The following RBFOX1 variants were observed in gnomAD, a reference collection of about 807,000 sequenced individuals.
The protein encoded by RBFOX1 is RNA binding protein fox-1 homolog 1.
Under a neutral mutation model 57.7 loss-of-function variants are expected in RBFOX1, and 8 were observed. The ratio of observed to expected loss-of-function variants is 0.14; its 90% CI spans 0.08 to 0.25. The LOEUF (loss-of-function observed/expected upper bound fraction) is 0.25. Among genes scored for constraint, RBFOX1 ranks in the 10% least tolerant of loss-of-function variants. The pLI, the probability that RBFOX1 is intolerant of heterozygous loss-of-function variation, is 1.00. For missense variants in RBFOX1, 611 were observed against 548.5 expected, an observed-to-expected ratio of 1.11 and a Z score of -1.14; for synonymous variants, 326 against 222.4, an observed-to-expected ratio of 1.47 and a Z score of -4.15.
rs1250190342 is a variant in RBFOX1 at position 6,806,817 on chromosome 16, A to AATAT, written c.-16+152184_-16+152187dup. 1.6e-3 allele frequency among the ~76,000 whole-genome samples: 139 copies of AATAT among 85,120 alleles called. 1 individual carries two copies. Among genetic ancestry groups the AATAT allele is most frequent in the East Asian group, 0.012 (38 of 3,228 alleles). The allele number at this position is 85,120 out of a possible 152,430, so 55.8% of individuals were successfully genotyped here. On this transcript the variant is annotated intron_variant, in intron 3 of 15. Transcript: ENST00000550418. ...ATTTATATATATAAATAAATATATA[A>AATAT]ATATATATATATATATATATTTTTT...
intron 2 of RBFOX1, among the ~76,000 whole-genome samples, chr16:6,324,113 C>T (rs1482696675): frequency 6.6e-6 from 1 of 152,142 alleles, no homozygotes; most frequent in Non-Finnish European, 1.5e-5. Context: ...TAATAGTATT[C>T]ATTAAGTAAT....
chr16:6,492,644 T>C (rs1269768885), intron 2 of RBFOX1, among the ~76,000 whole-genome samples: 1 of 152,152 alleles, frequency 6.6e-6, no homozygotes, highest in Non-Finnish European at 1.5e-5. Context: ...CTGGAATCTG[T>C]GTGATCGCTG....
chr16:6,426,108 C>G (rs2093919680), intron 2 of RBFOX1, among the ~76,000 whole-genome samples: 1 of 151,962 alleles, frequency 6.6e-6, no homozygotes, highest in Non-Finnish European at 1.5e-5. Context: ...CTCTCTCTCC[C>G]TCTCATTGTC....
intron 3 of RBFOX1, among the ~76,000 whole-genome samples, chr16:6,898,976 G>T (rs2067714882): frequency 6.6e-6 from 1 of 150,724 alleles, no homozygotes; most frequent in Non-Finnish European, 1.5e-5. Context: ...TGTATGATGT[G>T]TGTATGTGTG....
intron 1 of RBFOX1, among the ~76,000 whole-genome samples, chr16:5,399,307 G>T (rs1415003395): frequency 6.6e-6 from 1 of 152,146 alleles, no homozygotes. Context: ...CTCACACCTT[G>T]ATTTATCTGT....
At chr16:6,785,639 C>T (rs1464952162) in intron 3 of RBFOX1, among the ~76,000 whole-genome samples, 1 of 152,160 alleles carries the variant, frequency 6.6e-6, no homozygotes, top group East Asian at 1.9e-4. Context: ...CCATCAGAAA[C>T]ACTTACCTAA....
intron 4 of RBFOX1, among the ~76,000 whole-genome samples, chr16:7,123,120 G>A (rs1600172560): frequency 6.6e-6 from 1 of 152,052 alleles, no homozygotes; most frequent in Non-Finnish European, 1.5e-5. Flanking sequence ...CTTCCTAATT[G>A]CACAGCCGTT....
At chr16:6,821,937 A>G (rs1336876544) in intron 3 of RBFOX1, among the ~76,000 whole-genome samples, 1 of 152,178 alleles carries the variant, frequency 6.6e-6, no homozygotes, top group East Asian at 1.9e-4. Context: ...TGTTTTTCAC[A>G]GCTCTAGTTT....
At chr16:6,124,635 G>A (rs1217336867) in intron 1 of RBFOX1, among the ~76,000 whole-genome samples, 3 of 152,028 alleles carry the variant, frequency 2.0e-5, no homozygotes, top group Admixed American at 1.3e-4. Flanking sequence ...TCCGAGTAGT[G>A]AGGATTACAG....
intron 1 of RBFOX1, among the ~76,000 whole-genome samples, chr16:6,256,153 A>ATATG (rs1163411974): frequency 3.2e-5 from 2 of 62,080 alleles, no homozygotes; most frequent in Non-Finnish European, 5.3e-5. Flanking sequence ...GTATATATAT[A>ATATG]TATATGTATA....
At chr16:7,024,934 C>T (rs1256886398) in intron 3 of RBFOX1, among the ~76,000 whole-genome samples, 2 of 152,104 alleles carry the variant, frequency 1.3e-5, no homozygotes, top group Admixed American at 1.3e-4. Flanking sequence ...GACACTGAGG[C>T]CCAGAGAGGA....
intron 3 of RBFOX1, among the ~76,000 whole-genome samples, chr16:5,756,145 C>G (rs1226751692): frequency 2.0e-5 from 3 of 147,668 alleles, no homozygotes; most frequent in Non-Finnish European, 3.0e-5. Flanking sequence ...GACTTACAAA[C>G]CAGAAGGTTC....
At chr16:7,253,136 G>A (rs147291760) in intron 4 of RBFOX1, among the ~76,000 whole-genome samples, 1 of 152,120 alleles carries the variant, frequency 6.6e-6, no homozygotes, top group African/African-American at 2.4e-5. Context: ...TTTGCATTTT[G>A]ATGGCTCCGC....
chr16:7,504,431 T>C (rs566089338), intron 4 of RBFOX1, among the ~76,000 whole-genome samples: 1 of 151,898 alleles, frequency 6.6e-6, no homozygotes, highest in South Asian at 2.1e-4. Context: ...TGACAACCTC[T>C]AATTTTGCCT....
chr16:6,840,070 TTAAAAA>T (rs2141403988), intron 3 of RBFOX1, among the ~76,000 whole-genome samples: 1 of 152,294 alleles, frequency 6.6e-6, no homozygotes, highest in African/African-American at 2.4e-5. Flanking sequence ...ACTACTCAAC[TTAAAAA>T]TTAAAATGCT....
chr16:7,289,110 G>A (rs189546329), intron 4 of RBFOX1, among the ~76,000 whole-genome samples: 1 of 152,300 alleles, frequency 6.6e-6, no homozygotes, highest in East Asian at 1.9e-4. Context: ...CCTGCCTGCT[G>A]TATCAGAGAG....
chr16:5,533,878 G>T (rs997995239), intron 2 of RBFOX1, among the ~76,000 whole-genome samples: 1 of 152,148 alleles, frequency 6.6e-6, no homozygotes, highest in Non-Finnish European at 1.5e-5. Flanking sequence ...GTGGGCAGGG[G>T]TGTTGGTCAG....
chr16:5,853,022 G>A (rs538588479), intron 3 of RBFOX1, among the ~76,000 whole-genome samples: 2 of 152,124 alleles, frequency 1.3e-5, no homozygotes, highest in East Asian at 3.9e-4. Context: ...TGGTTACAAC[G>A]CTCATTATAC....
At chr16:5,379,461 A>C (rs1316106330) in intron 1 of RBFOX1, among the ~76,000 whole-genome samples, 6 of 147,262 alleles carry the variant, frequency 4.1e-5, no homozygotes, top group Non-Finnish European at 8.8e-5. Context: ...CTGAAAACAT[A>C]ATCATCTCTG....
Sources: gnomAD v4.1 joint callset for allele counts (sites outside exome capture counted in the v4.1 genomes callset) on GRCh38, gnomAD v4.1.1 for gene constraint, MANE v1.5 for transcripts, NCBI Gene and HGNC (gene_info 2026-07-23, HGNC 2026-07-21) for gene names.